CELF4: variants seen among roughly 807,000 people sequenced by gnomAD.
CELF4 encodes the protein CUGBP Elav-like family member 4.
CELF4 carries 18 observed loss-of-function variants against 59.9 expected under a neutral mutation model. That is an observed-to-expected ratio of 0.30 (90% CI 0.21 to 0.45). CELF4 has a LOEUF of 0.45. Ranked by LOEUF, CELF4 falls within the 20% of genes least tolerant of loss-of-function variation. CELF4 has a pLI of 1.00. For synonymous variants in CELF4, 261 were observed against 267.1 expected (o/e 0.98, Z 0.22); for missense variants, 456 against 689.0 (o/e 0.66, Z 3.79).
intron 2 of CELF4, among the ~76,000 whole-genome samples, chr18:37,461,934 A>G (rs1020624407): frequency 1.9e-4 from 29 of 152,332 alleles, no homozygotes; most frequent in African/African-American, 7.0e-4. Context: ...TGAGAAGGAC[A>G]AGGCATGATT....
chr18:37,532,910 G>A (rs11873714), intron 1 of CELF4, among the ~76,000 whole-genome samples: 2,548 of 152,348 alleles, frequency 0.017, 84 homozygotes, highest in African/African-American at 0.057. Flanking sequence ...TCTTGTCTAA[G>A]TGGCTGCCCT....
chr18:37,275,089 A>T (rs1195989946), intron 4 of CELF4, 26 bp downstream of exon 4: 1 of 1,609,034 alleles, frequency 6.2e-7, no homozygotes, highest in African/African-American at 1.3e-5. Flanking sequence ...CCTCCGGGGC[A>T]TCCCTCCCGG....
intron 1 of CELF4, among the ~76,000 whole-genome samples, chr18:37,515,816 G>A (rs916698681): frequency 1.3e-5 from 2 of 152,208 alleles, no homozygotes; most frequent in Non-Finnish European, 2.9e-5. Context: ...ATGGAGCTTC[G>A]CAGAGGGGCT....
At chr18:37,258,915 G>A (rs951682049) in intron 11 of CELF4, 5 of 537,748 alleles carry the variant, frequency 9.3e-6, no homozygotes, top group South Asian at 2.9e-5. Flanking sequence ...GTGGGAGATG[G>A]GGAGCCAGGT....
At chr18:37,517,394 G>A (rs759318999) in intron 1 of CELF4, among the ~76,000 whole-genome samples, 1 of 152,066 alleles carries the variant, frequency 6.6e-6, no homozygotes, top group Non-Finnish European at 1.5e-5. Flanking sequence ...GGTTCCCAGG[G>A]TGGCTTTTGG....
chr18:37,251,639 C>T (rs1321058337), intron 12 of CELF4, among the ~76,000 whole-genome samples: 2 of 152,192 alleles, frequency 1.3e-5, no homozygotes, highest in Non-Finnish European at 2.9e-5. Context: ...ACCCAGGTCA[C>T]ACCTTAATGG....
At chr18:37,288,396 G>A (rs1016946547) in intron 3 of CELF4, among the ~76,000 whole-genome samples, 1 of 152,204 alleles carries the variant, frequency 6.6e-6, no homozygotes, top group African/African-American at 2.4e-5. Context: ...CAAAGACCAT[G>A]CCCTCAGAGA....
chr18:37,251,500 T>G (rs144199238), intron 12 of CELF4, among the ~76,000 whole-genome samples: 151 of 152,262 alleles, frequency 9.9e-4, no homozygotes, highest in African/African-American at 3.3e-3. Context: ...CTTTCAGGGG[T>G]GCCCCTTGGA....
intron 3 of CELF4, among the ~76,000 whole-genome samples, chr18:37,314,951 AGT>A (rs904079727): frequency 6.6e-6 from 1 of 152,044 alleles, no homozygotes; most frequent in African/African-American, 2.4e-5. Flanking sequence ...CACAGCCAGA[AGT>A]GTGTTGTCGG....
chr18:37,352,862 G>T (rs1415091405), intron 2 of CELF4, among the ~76,000 whole-genome samples: 1 of 151,512 alleles, frequency 6.6e-6, no homozygotes, highest in Non-Finnish European at 1.5e-5. Flanking sequence ...CCAAGGTGCA[G>T]AGTGGGACGG....
chr18:37,484,401 C>A (rs1291332491), intron 2 of CELF4, among the ~76,000 whole-genome samples: 1 of 152,194 alleles, frequency 6.6e-6, no homozygotes, highest in Non-Finnish European at 1.5e-5. Context: ...GAATGGCCAC[C>A]CTGCCAGAGC....
intron 3 of CELF4, among the ~76,000 whole-genome samples, chr18:37,312,110 CAAAAAAAAAAAAAAAA>C (rs59872500): frequency 2.0e-5 from 1 of 50,796 alleles, no homozygotes; most frequent in South Asian, 6.4e-4. Flanking sequence ...GATTCCGTCT[CAAAAAAAAAAAAAAAA>C]AAAAGAAAAA....
Position 37,275,295 on chromosome 18 carries a change from G to A in CELF4, c.449-52C>T, listed in dbSNP as rs775925828. The A allele has an allele frequency of 9.4e-6, 15 of 1,599,204 alleles. No individual in the cohort carries two copies. The South Asian group carries it at 1.5e-4, about 16-fold the overall frequency. On this transcript the variant is annotated intron_variant, in intron 3 of 12. Coordinates refer to ENST00000420428, the MANE Select transcript of CELF4 (RefSeq NM_020180.4). ...CCGGGCCAGGGACCGGGCTGCGCGG[G>A]AGCAGGGCAAGGCCGGAGGGGGAGA...
At chr18:37,336,196 C>A (rs369460189) in intron 2 of CELF4, among the ~76,000 whole-genome samples, 1 of 152,216 alleles carries the variant, frequency 6.6e-6, no homozygotes, top group African/African-American at 2.4e-5. Context: ...GCGCCCCTCA[C>A]GGCTGTGGTG....
intron 1 of CELF4, among the ~76,000 whole-genome samples, chr18:37,497,663 AAAAG>A (rs2099926750): frequency 6.6e-6 from 1 of 151,926 alleles, no homozygotes; most frequent in African/African-American, 2.4e-5. Context: ...AAAAAAAAAA[AAAAG>A]AAAAAAGAAA....
At chr18:37,319,789 C>A in intron 3 of CELF4, among the ~76,000 whole-genome samples, 1 of 152,212 alleles carries the variant, frequency 6.6e-6, no homozygotes, top group South Asian at 2.1e-4. Flanking sequence ...AGGGAGAAAC[C>A]CAGAGCACTG....
intron 10 of CELF4, among the ~76,000 whole-genome samples, chr18:37,262,632 A>G (rs2154314781): frequency 6.6e-6 from 1 of 152,280 alleles, no homozygotes; most frequent in East Asian, 1.9e-4. Context: ...CTGAGCCAAT[A>G]GGCCAGAGTG....
At chr18:37,275,338 G>C (rs1038179041) in intron 3 of CELF4, 95 bp from the exon 4 acceptor site, 6 of 1,382,028 alleles carry the variant, frequency 4.3e-6, no homozygotes, top group African/African-American at 3.0e-5. Flanking sequence ...GGAAAGGGAG[G>C]AGCCGGGGAG....
intron 1 of CELF4, among the ~76,000 whole-genome samples, chr18:37,530,122 A>G (rs1219606369): frequency 1.3e-5 from 2 of 152,224 alleles, no homozygotes; most frequent in Non-Finnish European, 2.9e-5. Context: ...TCTTCCGGCC[A>G]CAGTCCAGCC....
Sources: gnomAD v4.1 joint callset for allele counts (sites outside exome capture counted in the v4.1 genomes callset) on GRCh38, gnomAD v4.1.1 for gene constraint, MANE v1.5 for transcripts, NCBI Gene and HGNC (gene_info 2026-07-23, HGNC 2026-07-21) for gene names.